COL28A1: variants seen among roughly 807,000 people sequenced by gnomAD.
COL28A1 encodes the protein collagen type XXVIII alpha 1 chain, also known as collagen alpha-1(XXVIII) chain.
COL28A1 carries 161 observed loss-of-function variants against 150.2 expected under a neutral mutation model. That is an observed-to-expected ratio of 1.07 (90% CI 0.94 to 1.22). The LOEUF is 1.22. Ranked by LOEUF, COL28A1 falls within the 50% of genes most tolerant of loss-of-function variation. The pLI, the probability that COL28A1 is intolerant of heterozygous loss-of-function variation, is 0.00. For synonymous variants in COL28A1, 552 were observed against 469.7 expected, an observed-to-expected ratio of 1.18 and a Z score of -2.26; for missense variants, 1,617 against 1,388.3, an observed-to-expected ratio of 1.16 and a Z score of -2.62.
chr7:7,509,001 T>C (rs1389352839), intron 9 of COL28A1, among the ~76,000 whole-genome samples: 1 of 152,130 alleles, frequency 6.6e-6, no homozygotes, highest in Non-Finnish European at 1.5e-5. Context: ...GCCCAGCTAA[T>C]TTTTGTATTT....
chr7:7,456,707 T>C (rs1787199563), intron 15 of COL28A1, among the ~76,000 whole-genome samples: 1 of 152,174 alleles, frequency 6.6e-6, no homozygotes, highest in Admixed American at 6.5e-5. Context: ...GAGTGCCCAT[T>C]ATAAGCCAGA....
chr7:7,345,943 A>T, the COL28A1 span, among the ~76,000 whole-genome samples: 1 of 151,954 alleles, frequency 6.6e-6, no homozygotes, highest in African/African-American at 2.4e-5. Flanking sequence ...TCACATATAG[A>T]CTATTTTTCA....
At chr7:7,540,257 T>C (rs796918313), upstream of COL28A1, among the ~76,000 whole-genome samples, 16 of 152,352 alleles carry the variant, frequency 1.1e-4, no homozygotes, top group African/African-American at 2.4e-4. Flanking sequence ...ATCAGATCTA[T>C]TTATACCTTG....
chr7:7,438,155 G>C (rs987745105), intron 21 of COL28A1, among the ~76,000 whole-genome samples: 4 of 152,082 alleles, frequency 2.6e-5, no homozygotes, highest in Non-Finnish European at 5.9e-5. Context: ...AAGAGGCTGA[G>C]GCAGGAGAAT....
intron 1 of COL28A1, 47 bp from the exon 2 acceptor site, chr7:7,532,959 T>C (rs1392338203): frequency 2.1e-5 from 29 of 1,401,464 alleles, no homozygotes; most frequent in Non-Finnish European, 2.6e-5. Flanking sequence ...AATATGGTGT[T>C]TGTTATTTTT....
chr7:7,423,100 G>C (rs777658877), intron 25 of COL28A1, among the ~76,000 whole-genome samples: 1 of 152,206 alleles, frequency 6.6e-6, no homozygotes, highest in African/African-American at 2.4e-5. Context: ...TTTGTTTTAG[G>C]TTTGATAATA....
intron 27 of COL28A1, among the ~76,000 whole-genome samples, chr7:7,382,943 T>C (rs1212816349): frequency 6.6e-6 from 1 of 152,190 alleles, no homozygotes; most frequent in African/African-American, 2.4e-5. Context: ...ATTACAACTT[T>C]GGGCACCTCA....
intron 31 of COL28A1, 75 bp downstream of exon 31, chr7:7,375,386 C>A: frequency 7.4e-7 from 1 of 1,350,242 alleles, no homozygotes; most frequent in Non-Finnish European, 9.9e-7. Context: ...TCTGGACGAA[C>A]ACATTCTGTC....
intron 27 of COL28A1, among the ~76,000 whole-genome samples, chr7:7,396,997 G>A (rs1431761593): frequency 6.6e-6 from 1 of 152,154 alleles, no homozygotes; most frequent in African/African-American, 2.4e-5. Flanking sequence ...CCATGGAAAT[G>A]TCCCTGTGCT....
intron 15 of COL28A1, among the ~76,000 whole-genome samples, chr7:7,460,666 G>A (rs534204726): frequency 6.6e-6 from 1 of 152,248 alleles, no homozygotes; most frequent in Non-Finnish European, 1.5e-5. Flanking sequence ...ACAGGCGTAA[G>A]CCACTGCGCC....
At chr7:7,518,197 T>C (rs1781523592) in intron 6 of COL28A1, among the ~76,000 whole-genome samples, 1 of 152,190 alleles carries the variant, frequency 6.6e-6, no homozygotes, top group African/African-American at 2.4e-5. Context: ...TTCCAAAATG[T>C]CCTCAAGAGT....
At chr7:7,387,078 C>T (rs1782230298) in intron 27 of COL28A1, among the ~76,000 whole-genome samples, 1 of 152,150 alleles carries the variant, frequency 6.6e-6, no homozygotes, top group South Asian at 2.1e-4. Flanking sequence ...CCCAAGGCCC[C>T]ACTTCCTAAC....
chr7:7,379,175 G>A (rs921496302), intron 30 of COL28A1, among the ~76,000 whole-genome samples: 14 of 152,286 alleles, frequency 9.2e-5, no homozygotes, highest in Middle Eastern at 6.8e-3. Context: ...GTTCCAGAGC[G>A]GGGGCCTCTA....
At chr7:7,358,880 T>A in intron 34 of COL28A1, 75 bp from the exon 35 acceptor site, 1 of 1,228,166 alleles carries the variant, frequency 8.1e-7, no homozygotes, top group Non-Finnish European at 1.1e-6. Context: ...CTGTATAAAG[T>A]TATATAAATA....
chr7:7,493,788 G>C (rs551233707), intron 11 of COL28A1, among the ~76,000 whole-genome samples: 34 of 152,024 alleles, frequency 2.2e-4, no homozygotes, highest in African/African-American at 8.0e-4. Context: ...AGTCAGAATA[G>C]CCCTGGTAAG....
chr7:7,398,029 A>G (rs1782948170), intron 27 of COL28A1, among the ~76,000 whole-genome samples: 1 of 152,244 alleles, frequency 6.6e-6, no homozygotes, highest in Admixed American at 6.5e-5. Context: ...ATCTTTTAGT[A>G]AAAGTGTTTA....
intron 3 of COL28A1, among the ~76,000 whole-genome samples, chr7:7,525,558 G>A (rs1249123108): frequency 1.3e-5 from 2 of 152,208 alleles, no homozygotes; most frequent in Non-Finnish European, 2.9e-5. Context: ...AAAGATGAAG[G>A]AGCAAGCACT....
At chr7:7,431,622 C>G in intron 25 of COL28A1, 1 of 471,068 alleles carries the variant, frequency 2.1e-6, no homozygotes, top group African/African-American at 2.0e-5. Flanking sequence ...GAAGGATCTT[C>G]AAGGCCATGG....
chr7:7,427,984 T>G (rs996515799), intron 25 of COL28A1, among the ~76,000 whole-genome samples: 1 of 152,218 alleles, frequency 6.6e-6, no homozygotes, highest in Non-Finnish European at 1.5e-5. Context: ...CCCTCTCATA[T>G]ACAAAACAAA....
Sources: allele counts gnomAD v4.1 joint callset (sites outside exome capture counted in the v4.1 genomes callset), GRCh38; gene constraint gnomAD v4.1.1; transcripts MANE v1.5; gene names NCBI Gene and HGNC (gene_info 2026-07-23, HGNC 2026-07-21).